Variants in CCDC171 observed in about 807,000 individuals in gnomAD.
CCDC171 encodes the protein coiled-coil domain-containing protein 171.
CCDC171 carries 177 observed loss-of-function variants against 168.2 expected under a neutral mutation model. The observed-to-expected ratio is 1.05, with a 90% CI of 0.93 to 1.19. The LOEUF (loss-of-function observed/expected upper bound fraction) is 1.19, where lower values mean the gene tolerates loss of function less well. Ranked by LOEUF, CCDC171 falls within the 50% of genes most tolerant of loss-of-function variation. CCDC171 has a pLI of 0.00. For missense variants in CCDC171, 1,991 were observed against 1,539.0 expected (o/e 1.29, Z -4.91); for synonymous variants, 687 against 540.8 (o/e 1.27, Z -3.75).
At chr9:15,783,307 A>T (rs1327770510) in intron 20 of CCDC171, among the ~76,000 whole-genome samples, 1 of 152,170 alleles carries the variant, frequency 6.6e-6, no homozygotes, top group East Asian at 1.9e-4. Context: ...TTTTTGTCTT[A>T]TTTGTCAGAA....
intron 3 of CCDC171, among the ~76,000 whole-genome samples, chr9:15,983,507 TGTGTGA>T (rs1038815684): frequency 2.8e-5 from 4 of 143,190 alleles, no homozygotes; most frequent in Admixed American, 7.6e-5. Context: ...TGTGTGTGTG[TGTGTGA>T]GAGAGAGAGA....
the CCDC171 span, among the ~76,000 whole-genome samples, chr9:16,068,434 C>G: frequency 1.3e-5 from 2 of 152,190 alleles, no homozygotes; most frequent in African/African-American, 4.8e-5. Flanking sequence ...CAATGACTTT[C>G]TTCTTCCTCT....
At chr9:16,079,235 C>G in the CCDC171 span, among the ~76,000 whole-genome samples, 2 of 152,198 alleles carry the variant, frequency 1.3e-5, no homozygotes, top group African/African-American at 4.8e-5. Context: ...TCTGAAAGAT[C>G]CCCAGTGGCC....
chr9:15,859,983 T>A (rs1265200579), intron 23 of CCDC171, among the ~76,000 whole-genome samples: 2 of 151,664 alleles, frequency 1.3e-5, no homozygotes, highest in African/African-American at 2.4e-5. Context: ...CAAGACTTTC[T>A]ATTTTTTTTT....
chr9:15,566,586 A>C (rs571519483), intron 2 of CCDC171, among the ~76,000 whole-genome samples: 1 of 152,174 alleles, frequency 6.6e-6, no homozygotes, highest in African/African-American at 2.4e-5. Flanking sequence ...AAAATAAGAT[A>C]TATGATATGC....
chr9:15,726,650 A>G (rs2053822066), intron 14 of CCDC171, among the ~76,000 whole-genome samples: 1 of 152,172 alleles, frequency 6.6e-6, no homozygotes, highest in Non-Finnish European at 1.5e-5. Flanking sequence ...GGTGGCATAC[A>G]TAGTGAACTA....
intron 10 of CCDC171, among the ~76,000 whole-genome samples, chr9:15,693,721 A>G (rs763762971): frequency 1.3e-5 from 2 of 152,130 alleles, no homozygotes; most frequent in Non-Finnish European, 2.9e-5. Context: ...GTCTTATAAT[A>G]TCTATTCTTC....
Position 15,562,082 on chromosome 9 carries a change from C to T in CCDC171, c.-111-1896C>T, listed in dbSNP as rs141358355. ...CAATCTTGGCTCACTGCAGTCTCCA[C>T]CTCCTGGGTTCAAGCGATTCTCCTA... On this transcript the variant is annotated intron_variant, in intron 1 of 25. Transcript: ENST00000380701. Among the ~76,000 whole-genome samples, 919 of 152,158 alleles carry T rather than the reference C, an allele frequency of 6.0e-3. 8 individuals are homozygous for T. The highest frequency in any genetic ancestry group is 0.02 in the Middle Eastern group (6 of 294).
chr9:15,590,550 G>A (rs923044824), intron 4 of CCDC171, among the ~76,000 whole-genome samples: 1 of 152,146 alleles, frequency 6.6e-6, no homozygotes, highest in African/African-American at 2.4e-5. Context: ...GAGGTAATCG[G>A]GTAGGAGGTG....
At chr9:15,600,333 T>G (rs2042739499) in intron 6 of CCDC171, among the ~76,000 whole-genome samples, 1 of 152,174 alleles carries the variant, frequency 6.6e-6, no homozygotes, top group African/African-American at 2.4e-5. Context: ...GTCCTTTCTG[T>G]TTGTTAGTTT....
intron 24 of CCDC171, chr9:15,886,345 G>A (rs562468548): frequency 1.3e-5 from 2 of 152,230 alleles, no homozygotes; most frequent in African/African-American, 2.4e-5. Flanking sequence ...ACACATGCAA[G>A]TGGCCAATAA....
upstream of CCDC171, among the ~76,000 whole-genome samples, chr9:16,038,853 AG>A (rs1429292026): frequency 7.0e-6 from 1 of 143,208 alleles, no homozygotes; most frequent in Admixed American, 7.5e-5. Flanking sequence ...AAATAGAAAA[AG>A]ACCTATCAGG....
rs935424914 is a variant in CCDC171 at position 15,974,033 on chromosome 9, C to G, written c.*2197C>G. Reference sequence around the variant, plus strand: ...TCCAAAAATAAATGTGTATGTGTCTCCATATATATGGGTATCTAACTTTAC... The same window carrying G: ...TCCAAAAATAAATGTGTATGTGTCTGCATATATATGGGTATCTAACTTTAC... On this transcript the variant is annotated 3_prime_UTR_variant, in exon 26 of 26. Coordinates refer to ENST00000380701, the MANE Select transcript of CCDC171 (RefSeq NM_173550.4). 2 of 151,910 alleles carry G rather than the reference C, an allele frequency of 1.3e-5. No individual in the cohort carries two copies. The highest frequency in any genetic ancestry group is 2.9e-5 in the Non-Finnish European group (2 of 67,984). 9.4% of individuals were successfully genotyped at this position (151,910 alleles called of 1,614,324 possible).
chr9:15,570,151 A>G (rs550860732), intron 2 of CCDC171, among the ~76,000 whole-genome samples: 1 of 152,024 alleles, frequency 6.6e-6, no homozygotes, highest in Admixed American at 6.6e-5. Flanking sequence ...TTATATTTTT[A>G]GTAGAGGCAG....
chr9:16,009,626 C>A (rs868047543), intron 3 of CCDC171, among the ~76,000 whole-genome samples: 1 of 152,192 alleles, frequency 6.6e-6, no homozygotes, highest in Middle Eastern at 3.4e-3. Context: ...CCTACCAAAG[C>A]AGAAAGAACC....
At chr9:16,089,685 T>C in the CCDC171 span, among the ~76,000 whole-genome samples, 1 of 151,596 alleles carries the variant, frequency 6.6e-6, no homozygotes. Context: ...AATCTATCCA[T>C]CTGGCAAAGG....
At chr9:15,829,554 A>C (rs576210993) in intron 21 of CCDC171, among the ~76,000 whole-genome samples, 1 of 152,190 alleles carries the variant, frequency 6.6e-6, no homozygotes, top group Non-Finnish European at 1.5e-5. Context: ...TCTGATTCCC[A>C]TGTGTTTTCC....
chr9:15,810,647 T>C (rs1588642347), intron 21 of CCDC171, among the ~76,000 whole-genome samples: 1 of 152,080 alleles, frequency 6.6e-6, no homozygotes, highest in South Asian at 2.1e-4. Flanking sequence ...CTGGCCTGGG[T>C]GCTAAGCCCC....
intron 9 of CCDC171, among the ~76,000 whole-genome samples, chr9:15,669,126 G>C (rs954551720): frequency 6.6e-6 from 1 of 152,092 alleles, no homozygotes; most frequent in Admixed American, 6.6e-5. Flanking sequence ...GAGAAAAAAA[G>C]CTGTGTGTAT....
Sources: gnomAD v4.1 joint callset for allele counts (sites outside exome capture counted in the v4.1 genomes callset) on GRCh38, gnomAD v4.1.1 for gene constraint, MANE v1.5 for transcripts, NCBI Gene and HGNC (gene_info 2026-07-23, HGNC 2026-07-21) for gene names.